Variants in ERICH1 observed in about 807,000 individuals in gnomAD.
ERICH1 encodes the protein glutamate rich 1, also known as glutamate-rich protein 1.
Under a neutral mutation model 39.6 loss-of-function variants are expected in ERICH1, and 56 were observed. The ratio of observed to expected loss-of-function variants is 1.41; its 90% CI spans 1.14 to 1.77. The LOEUF (loss-of-function observed/expected upper bound fraction) is 1.77. Among genes scored for constraint, ERICH1 ranks in the 40% most tolerant of loss-of-function variants. The pLI is 0.00. For synonymous variants in ERICH1, 313 were observed against 223.6 expected, an observed-to-expected ratio of 1.40 and a Z score of -3.57; for missense variants, 826 against 575.4, an observed-to-expected ratio of 1.44 and a Z score of -4.45.
At chr8:723,300 C>T (rs916502632) in intron 1 of ERICH1, among the ~76,000 whole-genome samples, 9 of 152,210 alleles carry the variant, frequency 5.9e-5, no homozygotes, top group Admixed American at 5.9e-4. Flanking sequence ...ATAAATAACC[C>T]GGCCTCCGAC....
At chr8:708,015 A>C (rs1411547301) in intron 2 of ERICH1, among the ~76,000 whole-genome samples, 1 of 152,214 alleles carries the variant, frequency 6.6e-6, no homozygotes, top group Non-Finnish European at 1.5e-5. Context: ...GAAGATACAC[A>C]AATGGACAAC....
At chr8:670,430 G>A (rs538134763) in intron 4 of ERICH1, among the ~76,000 whole-genome samples, 1 of 152,232 alleles carries the variant, frequency 6.6e-6, no homozygotes, top group South Asian at 2.1e-4. Context: ...GTCTAGGATG[G>A]CGACATTTTC....
At chr8:731,061 G>C (rs1819881118) in intron 1 of ERICH1, 79 bp downstream of exon 1, 2 of 1,369,242 alleles carry the variant, frequency 1.5e-6, no homozygotes, top group Non-Finnish European at 1.9e-6. Context: ...GCCGGGGTCG[G>C]GGTCCCGAGT....
intron 4 of ERICH1, among the ~76,000 whole-genome samples, chr8:670,841 C>G (rs1303003451): frequency 6.6e-6 from 1 of 151,942 alleles, no homozygotes; most frequent in South Asian, 2.1e-4. Context: ...GACCTCTGAA[C>G]CCACTGGCCC....
chr8:655,717 T>G (rs1181928747), intron 3 of ERICH1, among the ~76,000 whole-genome samples: 1 of 150,750 alleles, frequency 6.6e-6, no homozygotes, highest in Non-Finnish European at 1.5e-5. Flanking sequence ...CTTTCCTTCC[T>G]CTGTGCCCCA....
At chr8:671,468 C>G (rs28456071) in intron 4 of ERICH1, among the ~76,000 whole-genome samples, 7 of 138,296 alleles carry the variant, frequency 5.1e-5, no homozygotes, top group East Asian at 4.4e-4. Flanking sequence ...TCCCCAGGCT[C>G]CGACCTCTGA....
intron 3 of ERICH1, among the ~76,000 whole-genome samples, chr8:634,202 C>T (rs962589119): frequency 1.4e-5 from 2 of 144,958 alleles, no homozygotes; most frequent in African/African-American, 2.6e-5. Flanking sequence ...AAAAAAAACC[C>T]TGATTCAAAA....
At chr8:641,066 CCT>C (rs981661422) in intron 3 of ERICH1, 2 of 152,126 alleles carry the variant, frequency 1.3e-5, no homozygotes, top group African/African-American at 4.8e-5. Context: ...TGAGTCAGCC[CCT>C]CTCAGAGCCA....
intron 3 of ERICH1, among the ~76,000 whole-genome samples, chr8:655,865 C>T (rs914482679): frequency 6.6e-6 from 1 of 152,146 alleles, no homozygotes; most frequent in Non-Finnish European, 1.5e-5. Flanking sequence ...ACATCCTTTC[C>T]TGTCTTACTT....
downstream of ERICH1, among the ~76,000 whole-genome samples, chr8:663,833 C>T (rs1203232674): frequency 1.1e-4 from 17 of 151,950 alleles, no homozygotes; most frequent in Admixed American, 1.0e-3. Context: ...GATCTCAGCT[C>T]ACTGCAAGCT....
At chr8:703,783 G>A (rs142288624) in intron 2 of ERICH1, among the ~76,000 whole-genome samples, 79 of 152,300 alleles carry the variant, frequency 5.2e-4, no homozygotes, top group Admixed American at 1.9e-3. Flanking sequence ...GGGAGAAGAT[G>A]TAAGAAAAAG....
chr8:626,893 G>A, intron 3 of ERICH1: 1 of 311,572 alleles, frequency 3.2e-6, no homozygotes, highest in South Asian at 2.6e-5. Flanking sequence ...GTTGGAACCT[G>A]TTCATTCTTG....
At chr8:630,389 C>T (rs1254549189) in intron 3 of ERICH1, among the ~76,000 whole-genome samples, 1 of 142,600 alleles carries the variant, frequency 7.0e-6, no homozygotes, top group African/African-American at 2.6e-5. Context: ...ACCACCCACA[C>T]AGACAGAGCT....
chr8:643,458 C>T (rs1410551321), intron 3 of ERICH1, among the ~76,000 whole-genome samples: 1 of 152,122 alleles, frequency 6.6e-6, no homozygotes, highest in Non-Finnish European at 1.5e-5. Context: ...ATTTTGCAGA[C>T]TGGGGATAGG....
intron 1 of ERICH1, among the ~76,000 whole-genome samples, chr8:717,979 C>T (rs928410584): frequency 1.3e-5 from 2 of 152,266 alleles, no homozygotes; most frequent in East Asian, 3.8e-4. Context: ...AACAAGGCAG[C>T]TGATCCCAAA....
At chr8:662,186 G>C (rs992419967), downstream of ERICH1, among the ~76,000 whole-genome samples, 4 of 152,276 alleles carry the variant, frequency 2.6e-5, no homozygotes, top group African/African-American at 9.6e-5. Context: ...CCCAGGAAAA[G>C]GCTACACATG....
intron 2 of ERICH1, among the ~76,000 whole-genome samples, chr8:709,144 G>A (rs774734857): frequency 6.6e-6 from 1 of 152,120 alleles, no homozygotes; most frequent in Non-Finnish European, 1.5e-5. Context: ...ACCTTTCTGG[G>A]GTGCAGCCTT....
chr8:722,326 G>GA (rs1195736767), intron 1 of ERICH1, among the ~76,000 whole-genome samples: 1 of 151,356 alleles, frequency 6.6e-6, no homozygotes, highest in Middle Eastern at 3.4e-3. Flanking sequence ...CCAAGGCCCA[G>GA]AAAAAACACC....
intron 2 of ERICH1, among the ~76,000 whole-genome samples, chr8:706,148 T>C (rs1309722958): frequency 6.6e-6 from 1 of 152,228 alleles, no homozygotes; most frequent in Non-Finnish European, 1.5e-5. Context: ...GTCTAGTGTG[T>C]GTAAGCGCAC....
Sources: allele counts gnomAD v4.1 joint callset (sites outside exome capture counted in the v4.1 genomes callset), GRCh38; gene constraint gnomAD v4.1.1; transcripts MANE v1.5; gene names NCBI Gene and HGNC (gene_info 2026-07-23, HGNC 2026-07-21).